Variants in CHST9 observed in about 807,000 individuals in gnomAD.
The protein encoded by CHST9 is GalNAc-4-sulfotransferase 2.
A neutral mutation model predicts 44.4 loss-of-function variants in CHST9; 41 were observed. The observed-to-expected ratio is 0.92, with a 90% CI of 0.72 to 1.20. The LOEUF is 1.20. Ranked by LOEUF, CHST9 falls within the 50% of genes most tolerant of loss-of-function variation. The pLI is 0.00. For missense variants in CHST9, 504 were observed against 516.5 expected, an observed-to-expected ratio of 0.98 and a Z score of 0.23; for synonymous variants, 171 against 178.4, an observed-to-expected ratio of 0.96 and a Z score of 0.33.
intron 5 of CHST9, among the ~76,000 whole-genome samples, chr18:26,938,938 T>C (rs1184381880): frequency 2.6e-5 from 4 of 152,222 alleles, no homozygotes; most frequent in African/African-American, 9.6e-5. Flanking sequence ...GTATAGGGAG[T>C]AGACTCTAAA....
At chr18:27,047,255 T>C (rs1439920188) in intron 3 of CHST9, among the ~76,000 whole-genome samples, 1 of 152,050 alleles carries the variant, frequency 6.6e-6, no homozygotes, top group East Asian at 1.9e-4. Flanking sequence ...ACTAAGAAGG[T>C]AGTACATACA....
In CHST9 at chr18:27,169,523, A is replaced by G. The variant is rs2058817356; in HGVS notation, c.-97+15613T>C. 2.0e-5 allele frequency among the ~76,000 whole-genome samples: 3 copies of G among 152,262 alleles called. No individual in the cohort carries two copies. In the South Asian group the frequency reaches 6.2e-4, roughly 32 times the overall value. On this transcript the variant is annotated intron_variant, in intron 1 of 5. Coordinates refer to ENST00000618847, the MANE Select transcript of CHST9 (RefSeq NM_031422.6). ...TTAGCAAGAAAATAAGAATATTTGA[A>G]TAACAGACTTAAAAACTTTATGTAA...
intron 4 of CHST9, among the ~76,000 whole-genome samples, chr18:27,014,435 C>G (rs1290627777): frequency 8.6e-6 from 1 of 116,608 alleles, no homozygotes; most frequent in Non-Finnish European, 1.6e-5. Context: ...GCCTGGGCGA[C>G]AGAGCGAGAC....
At chr18:26,919,166 G>A (rs1207517743) in intron 5 of CHST9, among the ~76,000 whole-genome samples, 3 of 152,086 alleles carry the variant, frequency 2.0e-5, no homozygotes, top group Non-Finnish European at 4.4e-5. Context: ...CCCATGACAC[G>A]TGGGGATTAT....
At position 26,908,262 on chromosome 18, in the gene CHST9, C is replaced by T. The variant is rs2055394581; in HGVS notation, c.*7997G>A. On this transcript the variant is annotated 3_prime_UTR_variant, in exon 6 of 6. Transcript: ENST00000618847. Reference sequence around the variant, plus strand: ...TGAAACCCAATCTCTACTAAAAATACAAAAATTAGCTGGGCGTGGTGCTGT... The same window carrying T: ...TGAAACCCAATCTCTACTAAAAATATAAAAATTAGCTGGGCGTGGTGCTGT... 6.6e-6 allele frequency: 1 copy of T among 152,174 alleles called. No individual in the cohort carries two copies. The highest frequency in any genetic ancestry group is 2.4e-5 in the African/African-American group (1 of 41,412). 9.4% of individuals were successfully genotyped at this position (152,174 alleles called of 1,614,324 possible).
At chr18:27,020,382 C>A (rs372125046) in intron 4 of CHST9, among the ~76,000 whole-genome samples, 2 of 152,302 alleles carry the variant, frequency 1.3e-5, no homozygotes, top group African/African-American at 2.4e-5. Flanking sequence ...GTGAATTTCA[C>A]GTGATTCATG....
At chr18:27,131,197 C>T (rs1044229599) in intron 2 of CHST9, among the ~76,000 whole-genome samples, 6 of 152,156 alleles carry the variant, frequency 3.9e-5, no homozygotes, top group African/African-American at 7.2e-5. Flanking sequence ...TAAAATCCTA[C>T]GTTCCCCACC....
intron 2 of CHST9, among the ~76,000 whole-genome samples, chr18:27,071,196 G>C (rs1486783899): frequency 6.6e-6 from 1 of 152,186 alleles, no homozygotes; most frequent in Non-Finnish European, 1.5e-5. Context: ...AACCAGAGTA[G>C]TTTCTCTTTC....
At chr18:27,067,056 A>G (rs2057789360) in intron 2 of CHST9, among the ~76,000 whole-genome samples, 1 of 152,036 alleles carries the variant, frequency 6.6e-6, no homozygotes, top group East Asian at 1.9e-4. Flanking sequence ...GTAGGACCCA[A>G]TTTTCTAATT....
chr18:27,077,379 A>C (rs934383938), intron 2 of CHST9, among the ~76,000 whole-genome samples: 4 of 152,188 alleles, frequency 2.6e-5, no homozygotes, highest in African/African-American at 9.6e-5. Flanking sequence ...ATTTTATTCT[A>C]TAGTTTTTCT....
In CHST9 at chr18:27,074,965, A is replaced by G. The variant is rs1216553628; in HGVS notation, c.122-26462T>C. 3.3e-5 allele frequency among the ~76,000 whole-genome samples: 5 copies of G among 149,338 alleles called. No individual in the cohort carries two copies. In the South Asian group the frequency reaches 8.4e-4, roughly 25 times the overall value. ...CATCTATAGTATATAGTCACCAAAT[A>G]GGAAAAATATAATGCTTTAAAGAAA... On this transcript the variant is annotated intron_variant, in intron 2 of 5. Coordinates refer to ENST00000618847, the MANE Select transcript of CHST9 (RefSeq NM_031422.6).
chr18:27,027,447 C>T (rs2057295195), intron 3 of CHST9, among the ~76,000 whole-genome samples: 1 of 152,118 alleles, frequency 6.6e-6, no homozygotes, highest in Non-Finnish European at 1.5e-5. Flanking sequence ...AGTTTAGGTC[C>T]TTTGGTTGCT....
chr18:27,112,677 T>C (rs2058283141), intron 2 of CHST9, among the ~76,000 whole-genome samples: 1 of 151,360 alleles, frequency 6.6e-6, no homozygotes, highest in Non-Finnish European at 1.5e-5. Context: ...AAAACTTTAA[T>C]AAACTTCCTG....
At chr18:27,129,662 G>C (rs966073762) in intron 2 of CHST9, among the ~76,000 whole-genome samples, 5 of 152,038 alleles carry the variant, frequency 3.3e-5, no homozygotes, top group Non-Finnish European at 5.9e-5. Context: ...CAAAGTGCTG[G>C]GATTACAGAT....
At chr18:27,169,904 G>GC (rs2058821624) in intron 1 of CHST9, among the ~76,000 whole-genome samples, 1 of 152,094 alleles carries the variant, frequency 6.6e-6, no homozygotes, top group Non-Finnish European at 1.5e-5. Flanking sequence ...ACTGCGCCTG[G>GC]CCAGAAAATA....
intron 1 of CHST9, among the ~76,000 whole-genome samples, chr18:27,176,145 A>C (rs552376594): frequency 6.6e-6 from 1 of 152,184 alleles, no homozygotes; most frequent in African/African-American, 2.4e-5. Flanking sequence ...TAAAGAGATA[A>C]AAGTGGAGGA....
At chr18:26,998,518 G>C (rs950658429) in intron 4 of CHST9, among the ~76,000 whole-genome samples, 1 of 152,138 alleles carries the variant, frequency 6.6e-6, no homozygotes, top group African/African-American at 2.4e-5. Flanking sequence ...TTGAGGTCAA[G>C]AGTTCGAGAG....
At chr18:27,077,878 G>C (rs2057920991) in intron 2 of CHST9, among the ~76,000 whole-genome samples, 1 of 152,102 alleles carries the variant, frequency 6.6e-6, no homozygotes, top group African/African-American at 2.4e-5. Flanking sequence ...GGCTGTACAG[G>C]CTTCTGTTTT....
At chr18:27,047,256 A>G (rs1262677268) in intron 3 of CHST9, among the ~76,000 whole-genome samples, 2 of 152,124 alleles carry the variant, frequency 1.3e-5, no homozygotes, top group Admixed American at 1.3e-4. Flanking sequence ...CTAAGAAGGT[A>G]GTACATACAG....
Sources: allele counts gnomAD v4.1 joint callset (sites outside exome capture counted in the v4.1 genomes callset), GRCh38; gene constraint gnomAD v4.1.1; transcripts MANE v1.5; gene names NCBI Gene and HGNC (gene_info 2026-07-23, HGNC 2026-07-21).